Variants in GPHN observed in about 807,000 individuals in gnomAD.
GPHN encodes gephyrin.
Under a neutral mutation model 95.5 loss-of-function variants are expected in GPHN, and 17 were observed. The observed-to-expected ratio is 0.18, with a 90% CI of 0.12 to 0.27. GPHN has a LOEUF of 0.27. GPHN is among the 10% of genes least tolerant of loss of function. GPHN has a pLI of 1.00. For synonymous variants in GPHN, 320 were observed against 322.5 expected, an observed-to-expected ratio of 0.99 and a Z score of 0.08; for missense variants, 660 against 978.1, an observed-to-expected ratio of 0.67 and a Z score of 4.34.
the GPHN span, among the ~76,000 whole-genome samples, chr14:67,398,219 GTTTTT>G: frequency 6.6e-6 from 1 of 151,634 alleles, no homozygotes; most frequent in South Asian, 2.1e-4. Context: ...TTATTTTCTA[GTTTTT>G]TTTGTTTTTG....
intron 4 of GPHN, among the ~76,000 whole-genome samples, chr14:66,845,759 C>G (rs1305057131): frequency 1.3e-5 from 2 of 151,666 alleles, no homozygotes; most frequent in Non-Finnish European, 2.9e-5. Context: ...GGCTCGAACC[C>G]CAGAGATTCT....
At chr14:66,964,078 T>A (rs2069149939) in intron 8 of GPHN, among the ~76,000 whole-genome samples, 2 of 152,308 alleles carry the variant, frequency 1.3e-5, no homozygotes, top group East Asian at 1.9e-4. Context: ...GAACATGAAC[T>A]AAATTATGCA....
At chr14:66,677,654 A>G (rs564394919) in intron 1 of GPHN, among the ~76,000 whole-genome samples, 1 of 151,176 alleles carries the variant, frequency 6.6e-6, no homozygotes, top group South Asian at 2.1e-4. Flanking sequence ...ACTTGATATA[A>G]TACTGATTTT....
the GPHN span, among the ~76,000 whole-genome samples, chr14:67,307,529 T>A: frequency 6.6e-6 from 1 of 152,240 alleles, no homozygotes; most frequent in East Asian, 1.9e-4. Context: ...CAGAGATAAC[T>A]GTGTTGTAAA....
chr14:67,262,362 C>T, the GPHN span, among the ~76,000 whole-genome samples: 1 of 152,192 alleles, frequency 6.6e-6, no homozygotes, highest in African/African-American at 2.4e-5. Context: ...TTATCCCTAT[C>T]CCCGCCTCGA....
the GPHN span, chr14:67,648,033 C>G: frequency 6.3e-7 from 1 of 1,594,214 alleles, no homozygotes; most frequent in Non-Finnish European, 8.6e-7. Context: ...TTATTTTATC[C>G]TCTTCCTTTT....
chr14:66,898,466 TAA>T (rs59434196), intron 5 of GPHN, among the ~76,000 whole-genome samples: 17 of 91,750 alleles, frequency 1.9e-4, no homozygotes, highest in South Asian at 4.8e-4. Flanking sequence ...GCTACTTGTT[TAA>T]AAAAAAAAAA....
chr14:67,382,910 T>TGC, the GPHN span, among the ~76,000 whole-genome samples: 3,700 of 147,196 alleles, frequency 0.025, 65 homozygotes, highest in Non-Finnish European at 0.036. Context: ...CGTGCGTGCG[T>TGC]GTGTGTGTGT....
At chr14:67,293,109 C>G in the GPHN span, among the ~76,000 whole-genome samples, 2 of 152,100 alleles carry the variant, frequency 1.3e-5, no homozygotes, top group East Asian at 3.9e-4. Flanking sequence ...TATATAACGC[C>G]TAAGATTTAT....
At chr14:67,282,796 A>G in the GPHN span, among the ~76,000 whole-genome samples, 2 of 152,154 alleles carry the variant, frequency 1.3e-5, no homozygotes, top group Non-Finnish European at 2.9e-5. Flanking sequence ...AATCAGAGCA[A>G]ACTACCTTGT....
the GPHN span, among the ~76,000 whole-genome samples, chr14:67,306,688 A>G: frequency 3.3e-5 from 5 of 152,100 alleles, no homozygotes; most frequent in Admixed American, 1.3e-4. Context: ...TCTTTTTATT[A>G]TGAATAACTC....
chr14:67,100,080 AT>A (rs369033049), intron 12 of GPHN, among the ~76,000 whole-genome samples: 11,503 of 150,716 alleles, frequency 0.076, 465 homozygotes, highest in Middle Eastern at 0.09. Context: ...CAATTATGGA[AT>A]TTTTTTTTTC....
the GPHN span, chr14:67,312,158 A>G: frequency 1.3e-5 from 2 of 154,354 alleles, no homozygotes; most frequent in Admixed American, 6.5e-5. Flanking sequence ...AGCTGCGAAC[A>G]GTGTTGTGGA....
intron 4 of GPHN, among the ~76,000 whole-genome samples, chr14:66,854,922 A>T (rs570683181): frequency 1.3e-5 from 2 of 150,080 alleles, no homozygotes; most frequent in African/African-American, 2.5e-5. Flanking sequence ...ATCTCAGCTC[A>T]CTGCAACTTC....
intron 12 of GPHN, among the ~76,000 whole-genome samples, chr14:67,092,035 G>C (rs893756045): frequency 6.6e-6 from 1 of 151,974 alleles, no homozygotes; most frequent in Non-Finnish European, 1.5e-5. Context: ...AGTAGGAATG[G>C]TTAGTATGTC....
chr14:66,522,089 A>C (rs1267463430), intron 1 of GPHN, among the ~76,000 whole-genome samples: 1 of 152,156 alleles, frequency 6.6e-6, no homozygotes. Context: ...TCAATGGCTT[A>C]AACCTAGGCC....
chr14:67,630,700 T>C, the GPHN span, among the ~76,000 whole-genome samples: 2 of 152,168 alleles, frequency 1.3e-5, no homozygotes, highest in African/African-American at 2.4e-5. Flanking sequence ...TGCCTCAGCC[T>C]CCATAGTAGC....
At chr14:67,107,801 G>T (rs935468963) in intron 13 of GPHN, among the ~76,000 whole-genome samples, 1 of 152,164 alleles carries the variant, frequency 6.6e-6, no homozygotes, top group African/African-American at 2.4e-5. Flanking sequence ...AGAGAGGGGG[G>T]TATCTCAGCA....
the GPHN span, among the ~76,000 whole-genome samples, chr14:67,498,531 A>C: frequency 1.3e-5 from 2 of 152,250 alleles, no homozygotes; most frequent in Admixed American, 1.3e-4. Flanking sequence ...ACTAAATAAA[A>C]GACAGGGCTA....
Sources: allele counts gnomAD v4.1 joint callset (sites outside exome capture counted in the v4.1 genomes callset), GRCh38; gene constraint gnomAD v4.1.1; transcripts MANE v1.5; gene names NCBI Gene and HGNC (gene_info 2026-07-23, HGNC 2026-07-21).